Variants in SI observed in about 807,000 individuals in gnomAD.
The protein encoded by SI is sucrase-isomaltase.
Under a neutral mutation model 253.3 loss-of-function variants are expected in SI, and 235 were observed. That is an observed-to-expected ratio of 0.93 (90% CI 0.83 to 1.03). The LOEUF (loss-of-function observed/expected upper bound fraction) is 1.03, where lower values mean the gene tolerates loss of function less well. Among genes scored for constraint, SI ranks in the 50% least tolerant of loss-of-function variants. The pLI is 0.00. For missense variants in SI, 2,442 were observed against 2,211.1 expected (o/e 1.10, Z -2.09); for synonymous variants, 819 against 712.0 (o/e 1.15, Z -2.39).
chr3:165,034,854 G>T (rs1712446633), intron 22 of SI, among the ~76,000 whole-genome samples: 1 of 152,004 alleles, frequency 6.6e-6, no homozygotes, highest in East Asian at 1.9e-4. Context: ...CTTTTAAAAT[G>T]ATTACTCTAC....
Position 165,076,052 on chromosome 3 carries a change from T to C in SI, c.1-40A>G, listed in dbSNP as rs778814455. The C allele has an allele frequency of 1.2e-4, 153 of 1,309,146 alleles. 1 individual carries two copies. Among genetic ancestry groups the C allele is most frequent in the Non-Finnish European group, 1.6e-4 (147 of 945,606 alleles). 81.1% of individuals were successfully genotyped at this position (1,309,146 alleles called of 1,614,324 possible). On this transcript the variant is annotated intron_variant, in intron 1 of 47. Coordinates refer to ENST00000264382, the MANE Select transcript of SI (RefSeq NM_001041.4). ...GAATATATATTTAAAATGTAAAATA[T>C]ATAACTATAATAAACCACCAACAAT...
rs551975446 is a variant in SI, at chr3:165,043,125, G to C, written c.1938C>G (p.Cys646Trp). 24 of 1,612,640 alleles carry C rather than the reference G, an allele frequency of 1.5e-5. No homozygotes were observed. The South Asian group carries it at 2.6e-4, about 18-fold the overall frequency. The change falls in exon 17 of 48, where the codon TGC becomes TGG. Residue 646 changes from cysteine (C) to tryptophan (W), a missense_variant. By Grantham distance (215) the Cys-to-Trp change is radical (BLOSUM62 -2). Transcript: ENST00000264382. ...GFVAETTEEL[C>W]RRWMQLGAFY... Reference sequence around the variant, plus strand: ...ATGCCCCAAGTTGCATCCATCTTCTGCAAAGTTCTTCTGTGGTTTCAGCCA... The same window carrying C: ...ATGCCCCAAGTTGCATCCATCTTCTCCAAAGTTCTTCTGTGGTTTCAGCCA...
chr3:164,983,118 A>G, intron 45 of SI, 67 bp from the exon 46 acceptor site: 2 of 1,432,682 alleles, frequency 1.4e-6, no homozygotes, highest in Admixed American at 1.9e-5. Context: ...AAATACCTGT[A>G]TACTTTGCTT....
intron 4 of SI, 37 bp from the exon 5 acceptor site, chr3:165,068,868 A>T (rs1303952375): frequency 6.9e-6 from 9 of 1,311,710 alleles, no homozygotes; most frequent in Non-Finnish European, 9.9e-6. Context: ...GAGTGACTTG[A>T]TTTATAATGT....
intron 47 of SI, among the ~76,000 whole-genome samples, chr3:164,981,978 G>A (rs565838582): frequency 6.6e-6 from 1 of 151,894 alleles, no homozygotes; most frequent in Non-Finnish European, 1.5e-5. Context: ...TATCATATAG[G>A]GATAACAGTT....
At position 165,067,422 on chromosome 3, in the gene SI, C is replaced by A. The variant is rs764467167; in HGVS notation, c.553G>T (p.Val185Phe). ...QYVKEFTGPT[V>F]SDTLYDVKVA... ...TTCACATCATACAACGTATCAGAAA[C>A]TGTGGGTCCAGTAAACTCTTTTACA... The change falls in exon 6 of 48, where the codon GTT becomes TTT. Residue 185 changes from valine to phenylalanine, a missense_variant. By Grantham distance (50) the Val-to-Phe change is conservative (BLOSUM62 -1). Transcript: ENST00000264382. The A allele has an allele frequency of 1.9e-6, 3 of 1,611,858 alleles. No homozygotes were observed. The highest frequency in any genetic ancestry group is 1.1e-5 in the South Asian group (1 of 91,016).
the SI span, among the ~76,000 whole-genome samples, chr3:165,089,941 A>C: frequency 6.6e-6 from 1 of 152,114 alleles, no homozygotes; most frequent in Non-Finnish European, 1.5e-5. Context: ...ACAAAGACAG[A>C]GATTGAGGCA....
intron 37 of SI, among the ~76,000 whole-genome samples, chr3:165,002,587 G>A (rs1718304845): frequency 1.3e-5 from 2 of 151,690 alleles, no homozygotes; most frequent in South Asian, 4.1e-4. Flanking sequence ...AAAAAAACGT[G>A]TGTTTATAAT....
At chr3:165,032,324 T>A (rs867525335) in intron 24 of SI, among the ~76,000 whole-genome samples, 198 bp downstream of exon 24, 2 of 151,066 alleles carry the variant, frequency 1.3e-5, no homozygotes, top group African/African-American at 2.4e-5. Context: ...CATGTTGATA[T>A]CTAAATACAA....
intron 32 of SI, 112 bp downstream of exon 32, chr3:165,015,840 G>A (rs1718995870): frequency 1.1e-6 from 1 of 916,786 alleles, no homozygotes; most frequent in Admixed American, 1.8e-5. Context: ...ATTTGGGAGT[G>A]TTACTCAAAG....
Position 165,030,868 on chromosome 3 carries a change from C to G in SI, c.2737-1G>C, listed in dbSNP as rs1294620045. 7 of 932,828 alleles carry G rather than the reference C, an allele frequency of 7.5e-6. No individual in the cohort carries two copies. Among genetic ancestry groups the G allele is most frequent in the Non-Finnish European group, 9.0e-6 (6 of 664,118 alleles). 57.8% of individuals were successfully genotyped at this position (932,828 alleles called of 1,614,324 possible). On this transcript the variant is annotated splice_acceptor_variant, in intron 24 of 47. Coordinates refer to ENST00000264382, the MANE Select transcript of SI (RefSeq NM_001041.4). LOFTEE classifies it high-confidence loss of function. The stretch of plus-strand genomic sequence containing the variant: ...GTTTGAGATCTGCAATTAGGAGAAC[C>G]TTTGAAGACAAAAAAAAAAAAAGAA...
At position 165,078,260 on chromosome 3, in the gene SI, T is replaced by C. The variant is rs1449269823; in HGVS notation, c.-1+173A>G. Reference sequence around the variant, plus strand: ...TGTATTTAAAAAAAAATTAGAAATATTTTTTCCTGTTTAATACAAGGTACT... The same window carrying C: ...TGTATTTAAAAAAAAATTAGAAATACTTTTTCCTGTTTAATACAAGGTACT... On this transcript the variant is annotated intron_variant, in intron 1 of 47. Coordinates refer to ENST00000264382, the MANE Select transcript of SI (RefSeq NM_001041.4). Among the ~76,000 whole-genome samples, 3 of 151,488 alleles carry C rather than the reference T, an allele frequency of 2.0e-5. No individual in the cohort carries two copies. The Admixed American group carries it at 2.0e-4, about 10-fold the overall frequency.
At chr3:165,073,996 C>T (rs1222932274) in intron 3 of SI, among the ~76,000 whole-genome samples, 3 of 151,960 alleles carry the variant, frequency 2.0e-5, no homozygotes, top group Non-Finnish European at 4.4e-5. Context: ...TTTATTCCCA[C>T]ACAGGTTTGT....
Position 165,039,061 on chromosome 3 carries a change from A to C in SI, c.2301+17T>G. The C allele has an allele frequency of 6.6e-7, 1 of 1,521,886 alleles. No homozygotes were observed. The highest frequency in any genetic ancestry group is 9.1e-7 in the Non-Finnish European group (1 of 1,098,510). The allele number at this position is 1,521,886 out of a possible 1,614,324, so 94.3% of individuals were successfully genotyped here. ...ATATAATACTTGTGAGTCCATTAGT[A>C]TGTTAAGGTTACTTACAGATTCATA... On this transcript the variant is annotated intron_variant, in intron 20 of 47. Coordinates refer to ENST00000264382, the MANE Select transcript of SI (RefSeq NM_001041.4).
intron 12 of SI, among the ~76,000 whole-genome samples, 193 bp downstream of exon 12, chr3:165,058,770 A>G (rs576776943): frequency 7.3e-5 from 11 of 151,724 alleles, no homozygotes; most frequent in Non-Finnish European, 1.3e-4. Context: ...ACTTCTTATA[A>G]GAACTGTTTT....
chr3:165,029,697 G>A (rs1327778443), intron 25 of SI, among the ~76,000 whole-genome samples: 1 of 148,370 alleles, frequency 6.7e-6, no homozygotes, highest in Non-Finnish European at 1.5e-5. Flanking sequence ...TTCATGTTTA[G>A]AAGATATTTA....
At chr3:165,062,741 C>T (rs1342357060) in intron 8 of SI, among the ~76,000 whole-genome samples, 1 of 151,948 alleles carries the variant, frequency 6.6e-6, no homozygotes, top group African/African-American at 2.4e-5. Context: ...TATTGTGTTG[C>T]AAAGGGTTAG....
At chr3:165,019,108 C>A (rs897054141) in intron 28 of SI, among the ~76,000 whole-genome samples, 1 of 151,672 alleles carries the variant, frequency 6.6e-6, no homozygotes, top group Non-Finnish European at 1.5e-5. Context: ...CGAGACAAAT[C>A]TTTGGAAAAA....
chr3:164,997,534 T>C (rs2108137248), intron 38 of SI, among the ~76,000 whole-genome samples: 1 of 151,768 alleles, frequency 6.6e-6, no homozygotes, highest in Admixed American at 6.6e-5. Flanking sequence ...GCAGGTGTAT[T>C]ATTTAGGTAA....
Sources: allele counts gnomAD v4.1 joint callset (sites outside exome capture counted in the v4.1 genomes callset), GRCh38; gene constraint gnomAD v4.1.1; transcripts MANE v1.5; gene names NCBI Gene and HGNC (gene_info 2026-07-23, HGNC 2026-07-21).